The following FAM222B variants were observed in gnomAD, a reference collection of about 807,000 sequenced individuals.
FAM222B encodes protein FAM222B.
Under a neutral mutation model 38.0 loss-of-function variants are expected in FAM222B, and 12 were observed. The observed-to-expected ratio is 0.32, with a 90% CI of 0.20 to 0.51. The LOEUF (loss-of-function observed/expected upper bound fraction) is 0.51. FAM222B is among the 20% of genes least tolerant of loss of function. FAM222B has a pLI of 0.97. For missense variants in FAM222B, 716 were observed against 754.2 expected (o/e 0.95, Z 0.59); for synonymous variants, 329 against 317.2 (o/e 1.04, Z -0.40).
rs765251483 is a variant in FAM222B, at chr17:28,759,791, T to G, written c.168A>C (p.Pro56=). 10 of 1,610,980 alleles carry G rather than the reference T, an allele frequency of 6.2e-6. No homozygotes were observed. Among genetic ancestry groups the G allele is most frequent in the Non-Finnish European group, 7.6e-6 (9 of 1,178,648 alleles). ...DAYAKKVANN[P]LTIKIFPNSV... is the part of the protein sequence containing the mutation. Reference sequence around the variant, plus strand: ...TGTTGGGGAAGATTTTTATAGTCAGTGGGTTGTTTGCGACCTTCTTAGCAT... The same window carrying G: ...TGTTGGGGAAGATTTTTATAGTCAGGGGGTTGTTTGCGACCTTCTTAGCAT... Residue 56 remains proline (P), a synonymous_variant, in exon 3 of 3, where the codon CCA becomes CCC. Coordinates refer to ENST00000581407, the MANE Select transcript of FAM222B (RefSeq NM_001077498.3). This position sits in a 1 kb window ranked among gnomAD's most constrained non-coding sequence, Gnocchi z 4.8.
At chr17:28,797,327 G>A (rs1455327195) in intron 1 of FAM222B, among the ~76,000 whole-genome samples, 1 of 152,058 alleles carries the variant, frequency 6.6e-6, no homozygotes, top group Non-Finnish European at 1.5e-5. Context: ...AGATGATGAA[G>A]ATCTCAAATG....
At chr17:28,802,410 C>CTTAAA (rs2037280777) in intron 1 of FAM222B, 1 of 152,388 alleles carries the variant, frequency 6.6e-6, no homozygotes, top group Non-Finnish European at 1.5e-5. Flanking sequence ...AAACCCCCAG[C>CTTAAA]TTTAAAGTGA....
chr17:28,832,734 G>A (rs957004094), intron 1 of FAM222B, among the ~76,000 whole-genome samples: 1 of 152,198 alleles, frequency 6.6e-6, no homozygotes, highest in African/African-American at 2.4e-5. Flanking sequence ...GCTCCTAGCA[G>A]AGACAGAGAA....
chr17:28,798,460 C>T (rs1263817992), intron 1 of FAM222B, among the ~76,000 whole-genome samples: 1 of 152,116 alleles, frequency 6.6e-6, no homozygotes, highest in East Asian at 1.9e-4. Context: ...TAATTTTAAA[C>T]AGCATAGTCA....
At chr17:28,765,785 G>A (rs2035301501) in intron 2 of FAM222B, among the ~76,000 whole-genome samples, 1 of 152,180 alleles carries the variant, frequency 6.6e-6, no homozygotes, top group South Asian at 2.1e-4. Flanking sequence ...TGTATTAGCA[G>A]GAAAATGCCC....
upstream of FAM222B, among the ~76,000 whole-genome samples, chr17:28,846,088 A>C (rs1439557633): frequency 2.6e-5 from 4 of 151,600 alleles, no homozygotes; most frequent in Non-Finnish European, 5.9e-5. Context: ...CTGTAGTCCC[A>C]GGTACACAGG....
chr17:28,830,990 CTT>C (rs56073818), intron 1 of FAM222B, among the ~76,000 whole-genome samples: 63 of 117,782 alleles, frequency 5.3e-4, no homozygotes, highest in Middle Eastern at 4.3e-3. Flanking sequence ...GTGAATGTTT[CTT>C]TTTTTTTTTT....
At chr17:28,844,515 G>A (rs1378645073), upstream of FAM222B, among the ~76,000 whole-genome samples, 1 of 151,924 alleles carries the variant, frequency 6.6e-6, no homozygotes, top group African/African-American at 2.4e-5. Context: ...AAAATTAGCC[G>A]GGCGTGGTGG....
At chr17:28,820,820 T>G (rs909053759) in intron 1 of FAM222B, among the ~76,000 whole-genome samples, 49 of 151,730 alleles carry the variant, frequency 3.2e-4, no homozygotes, top group South Asian at 2.1e-4. Context: ...ATATTTTTAG[T>G]AGAGATGGGT....
intron 1 of FAM222B, among the ~76,000 whole-genome samples, chr17:28,837,122 G>GTAAA (rs1290632484): frequency 6.7e-6 from 1 of 149,322 alleles, no homozygotes; most frequent in Non-Finnish European, 1.5e-5. Context: ...ATCTCAAAAA[G>GTAAA]TAAATAAATA....
chr17:28,839,688 A>T (rs17721223), intron 1 of FAM222B, among the ~76,000 whole-genome samples: 3,773 of 152,274 alleles, frequency 0.025, 79 homozygotes, highest in Non-Finnish European at 0.034. Flanking sequence ...TTCTGTAATG[A>T]CCTATCACAA....
intron 1 of FAM222B, among the ~76,000 whole-genome samples, chr17:28,831,461 C>A (rs1013356595): frequency 3.1e-4 from 47 of 150,704 alleles, no homozygotes; most frequent in African/African-American, 1.1e-3. Flanking sequence ...TATTTTAGTC[C>A]CTTTGCCTTT....
chr17:28,839,066 G>T, intron 1 of FAM222B, among the ~76,000 whole-genome samples: 1 of 151,970 alleles, frequency 6.6e-6, no homozygotes, highest in South Asian at 2.1e-4. Flanking sequence ...AATTAGCCAG[G>T]CATGGTGGCG....
intron 1 of FAM222B, among the ~76,000 whole-genome samples, chr17:28,854,263 T>G (rs2039207646): frequency 6.6e-6 from 1 of 152,148 alleles, no homozygotes; most frequent in Non-Finnish European, 1.5e-5. Flanking sequence ...AGTGTTTGAT[T>G]TAGAGGCTAC....
intron 1 of FAM222B, among the ~76,000 whole-genome samples, chr17:28,791,806 C>T (rs899951331): frequency 6.6e-6 from 1 of 151,348 alleles, no homozygotes; most frequent in Non-Finnish European, 1.5e-5. Flanking sequence ...ATTACAGGCA[C>T]GTGTCACCAC....
At position 28,769,185 on chromosome 17, in the gene FAM222B, T is replaced by C. The variant is rs542747444; in HGVS notation, c.-40-2478A>G. 4.9e-3 allele frequency among the ~76,000 whole-genome samples: 697 copies of C among 141,764 alleles called. 13 individuals carry two copies. The highest frequency in any genetic ancestry group is 0.025 in the Admixed American group (346 of 14,060). 93.0% of individuals were successfully genotyped at this position (141,764 alleles called of 152,430 possible). A position where few individuals can be genotyped will look rare whatever the true frequency, so the allele number is the denominator to read the frequency against. ...CAGCAATGTTAGTTCTTTTTTTTTT[T>C]TTTTTTTTTTTTGAGATGGAGTCTT... On this transcript the variant is annotated intron_variant, in intron 1 of 2. Coordinates refer to ENST00000581407, the MANE Select transcript of FAM222B (RefSeq NM_001077498.3).
In FAM222B at chr17:28,799,068, G is replaced by A. The variant is rs548179556; in HGVS notation, c.-40-32361C>T. ...CGGCTCACTGCAACCTCCGCCTCCC[G>A]GGTTCAAGCAATTCTCCTGCCTCAG... is the stretch of plus-strand genomic sequence containing the variant. On this transcript the variant is annotated intron_variant, in intron 1 of 2. Coordinates refer to ENST00000581407, the MANE Select transcript of FAM222B (RefSeq NM_001077498.3). Among the ~76,000 whole-genome samples the A allele has an allele frequency of 5.3e-5, 8 of 150,254 alleles. No individual in the cohort carries two copies. The East Asian group carries it at 6.1e-4, about 11-fold the overall frequency.
intron 1 of FAM222B, among the ~76,000 whole-genome samples, chr17:28,814,373 G>C (rs930722948): frequency 6.6e-6 from 1 of 152,074 alleles, no homozygotes; most frequent in Non-Finnish European, 1.5e-5. Context: ...AGCAGTCTAG[G>C]CTACCTTGGA....
chr17:28,769,969 C>T (rs987320840), intron 1 of FAM222B, among the ~76,000 whole-genome samples: 4 of 152,196 alleles, frequency 2.6e-5, no homozygotes, highest in Non-Finnish European at 5.9e-5. Context: ...ACCTCCATGT[C>T]TAAAACAGTA....
Sources: gnomAD v4.1 joint callset for allele counts (sites outside exome capture counted in the v4.1 genomes callset) on GRCh38, gnomAD v4.1.1 for gene constraint, Gnocchi (gnomAD v3.1) non-coding constraint, MANE v1.5 for transcripts, NCBI Gene and HGNC (gene_info 2026-07-23, HGNC 2026-07-21) for gene names.